Variants in ARHGAP15 observed in about 807,000 individuals in gnomAD.
The protein encoded by ARHGAP15 is Rho GTPase activating protein 15.
ARHGAP15 carries 51 observed loss-of-function variants against 63.7 expected under a neutral mutation model. The observed-to-expected ratio is 0.80, with a 90% CI of 0.64 to 1.01. The LOEUF (loss-of-function observed/expected upper bound fraction) is 1.01, where lower values mean the gene tolerates loss of function less well. Ranked by LOEUF, ARHGAP15 falls within the 50% of genes least tolerant of loss-of-function variation. The pLI, the probability that ARHGAP15 is intolerant of heterozygous loss-of-function variation, is 0.00. For missense variants in ARHGAP15, 560 were observed against 564.6 expected, an observed-to-expected ratio of 0.99 and a Z score of 0.08; for synonymous variants, 191 against 193.8, an observed-to-expected ratio of 0.99 and a Z score of 0.12.
At chr2:143,386,574 A>G (rs1687295657) in intron 6 of ARHGAP15, among the ~76,000 whole-genome samples, 1 of 152,144 alleles carries the variant, frequency 6.6e-6, no homozygotes. Context: ...AAGTTAGAAT[A>G]CCTTTTTTCA....
intron 6 of ARHGAP15, among the ~76,000 whole-genome samples, chr2:143,432,100 T>A (rs1444743874): frequency 6.6e-6 from 1 of 152,086 alleles, no homozygotes; most frequent in African/African-American, 2.4e-5. Flanking sequence ...ATACCTACAA[T>A]GTTTACTTTG....
At chr2:143,751,323 A>G (rs899282786) in intron 13 of ARHGAP15, among the ~76,000 whole-genome samples, 6 of 152,080 alleles carry the variant, frequency 3.9e-5, no homozygotes, top group African/African-American at 1.4e-4. Context: ...GGCTCTCTTC[A>G]GCTGAGGCAA....
At position 143,370,698 on chromosome 2, in the gene ARHGAP15, A is replaced by G. The variant is rs115714307; in HGVS notation, c.475-64903A>G. On this transcript the variant is annotated intron_variant, in intron 6 of 13. Transcript: ENST00000295095. ...GAATTCTTAACTCTGACAAGCATCTACCAAGCAGGATTTGAGTCTGTTCTA... is the reference window on the plus strand; with the variant it reads ...GAATTCTTAACTCTGACAAGCATCTGCCAAGCAGGATTTGAGTCTGTTCTA... 5.5e-4 allele frequency among the ~76,000 whole-genome samples: 83 copies of G among 152,258 alleles called. No individual in the cohort carries two copies. In the East Asian group the frequency reaches 6.2e-3, roughly 11 times the overall value.
intron 6 of ARHGAP15, among the ~76,000 whole-genome samples, chr2:143,365,050 C>T (rs1202211715): frequency 6.6e-6 from 1 of 152,038 alleles, no homozygotes. Flanking sequence ...TTCATTCTAA[C>T]AAGACACAGG....
intron 1 of ARHGAP15, among the ~76,000 whole-genome samples, chr2:143,139,608 T>C (rs1184737369): frequency 6.6e-6 from 1 of 152,140 alleles, no homozygotes. Context: ...GTTATTTTAC[T>C]TGGTAATTCT....
intron 13 of ARHGAP15, among the ~76,000 whole-genome samples, chr2:143,755,580 A>G (rs1574931640): frequency 6.6e-6 from 1 of 152,008 alleles, no homozygotes; most frequent in African/African-American, 2.4e-5. Context: ...CTAACCAAAC[A>G]CCTTCAGTTC....
chr2:143,584,201 C>T (rs1697018585), intron 11 of ARHGAP15, among the ~76,000 whole-genome samples: 1 of 152,140 alleles, frequency 6.6e-6, no homozygotes, highest in South Asian at 2.1e-4. Context: ...GCAGTAAAGA[C>T]CAATCTTCTT....
chr2:143,290,875 C>A (rs1682363297), intron 6 of ARHGAP15, among the ~76,000 whole-genome samples: 1 of 151,986 alleles, frequency 6.6e-6, no homozygotes, highest in East Asian at 1.9e-4. Context: ...TAGCCGGCAG[C>A]AGGTAACGAG....
At chr2:143,612,425 G>A (rs572063613) in intron 11 of ARHGAP15, among the ~76,000 whole-genome samples, 34 of 152,274 alleles carry the variant, frequency 2.2e-4, no homozygotes, top group African/African-American at 7.7e-4. Context: ...CACCTTAAAT[G>A]TCCTGTGTGT....
intron 2 of ARHGAP15, among the ~76,000 whole-genome samples, chr2:143,172,750 C>G (rs369820289): frequency 6.6e-6 from 1 of 151,952 alleles, no homozygotes; most frequent in African/African-American, 2.4e-5. Flanking sequence ...GGGTCATATT[C>G]GGTTGTGAGA....
chr2:143,147,175 A>G (rs752860452), intron 1 of ARHGAP15, among the ~76,000 whole-genome samples: 1 of 152,046 alleles, frequency 6.6e-6, no homozygotes. Context: ...TACTCTCCCA[A>G]CAAAGATTAG....
chr2:143,542,939 C>T (rs891045662), intron 10 of ARHGAP15, among the ~76,000 whole-genome samples: 2 of 148,416 alleles, frequency 1.3e-5, no homozygotes, highest in Non-Finnish European at 3.0e-5. Flanking sequence ...TTTTATCATT[C>T]AACCATTGAT....
chr2:143,232,921 G>T (rs1337086419), intron 5 of ARHGAP15, among the ~76,000 whole-genome samples: 1 of 151,578 alleles, frequency 6.6e-6, no homozygotes, highest in African/African-American at 2.4e-5. Context: ...TTCTCTACTA[G>T]TTTGGGAGGA....
At chr2:143,479,340 T>TG (rs1491103627) in intron 8 of ARHGAP15, among the ~76,000 whole-genome samples, 1 of 140,376 alleles carries the variant, frequency 7.1e-6, no homozygotes, top group Non-Finnish European at 1.6e-5. Context: ...CTTTTTGGGG[T>TG]TTTTTTTTTT....
chr2:143,146,984 C>T lies in ARHGAP15; in HGVS notation c.-14-8493C>T, dbSNP rs75611966. Among the ~76,000 whole-genome samples, 544 of 152,144 alleles carry T rather than the reference C, an allele frequency of 3.6e-3. 1 individual carries two copies. The highest frequency in any genetic ancestry group is 0.013 in the African/African-American group (527 of 41,544). Reference sequence around the variant, plus strand: ...AATATGCAACTTCCACATATTTGAACCCTGGGCAGGCCAAGATAGTGATAG... The same window carrying T: ...AATATGCAACTTCCACATATTTGAATCCTGGGCAGGCCAAGATAGTGATAG... On this transcript the variant is annotated intron_variant, in intron 1 of 13. Transcript: ENST00000295095.
intron 9 of ARHGAP15, among the ~76,000 whole-genome samples, chr2:143,493,066 A>C (rs184158147): frequency 6.7e-6 from 1 of 150,122 alleles, no homozygotes; most frequent in Non-Finnish European, 1.5e-5. Flanking sequence ...TCAAAAAAAA[A>C]CAAAAAAAAC....
At chr2:143,488,974 T>C (rs1251523680) in intron 9 of ARHGAP15, among the ~76,000 whole-genome samples, 1 of 152,212 alleles carries the variant, frequency 6.6e-6, no homozygotes, top group African/African-American at 2.4e-5. Flanking sequence ...CTTCACTAAG[T>C]AGTATTACTA....
intron 10 of ARHGAP15, among the ~76,000 whole-genome samples, chr2:143,535,930 T>A (rs577197782): frequency 5.3e-5 from 8 of 152,330 alleles, no homozygotes; most frequent in South Asian, 2.1e-4. Context: ...TAGTTTTTTT[T>A]AAATTTGTGG....
chr2:143,184,940 C>T (rs551329824), intron 2 of ARHGAP15, among the ~76,000 whole-genome samples: 1 of 150,820 alleles, frequency 6.6e-6, no homozygotes, highest in Non-Finnish European at 1.5e-5. Flanking sequence ...TCGTTGGTTT[C>T]CCAAAGTGTT....
Sources: gnomAD v4.1 joint callset for allele counts (sites outside exome capture counted in the v4.1 genomes callset) on GRCh38, gnomAD v4.1.1 for gene constraint, MANE v1.5 for transcripts, NCBI Gene and HGNC (gene_info 2026-07-23, HGNC 2026-07-21) for gene names.